ELAPOR2: variants seen among roughly 807,000 people sequenced by gnomAD.
The protein encoded by ELAPOR2 is endosome-lysosome associated apoptosis and autophagy regulator family member 2.
Under a neutral mutation model 120.7 loss-of-function variants are expected in ELAPOR2, and 89 were observed. That is an observed-to-expected ratio of 0.74 (90% CI 0.62 to 0.88). The LOEUF is 0.88. ELAPOR2 is among the 40% of genes least tolerant of loss of function. ELAPOR2 has a pLI of 0.00. For synonymous variants in ELAPOR2, 444 were observed against 444.9 expected, an observed-to-expected ratio of 1.00 and a Z score of 0.03; for missense variants, 1,134 against 1,251.6, an observed-to-expected ratio of 0.91 and a Z score of 1.42.
chr7:86,955,722 T>C (rs1422430760), intron 2 of ELAPOR2, among the ~76,000 whole-genome samples: 1 of 152,108 alleles, frequency 6.6e-6, no homozygotes, highest in African/African-American at 2.4e-5. Flanking sequence ...TTTGAGATTA[T>C]CTGATCCAAA....
intron 1 of ELAPOR2, among the ~76,000 whole-genome samples, chr7:86,986,721 T>C (rs1240977556): frequency 6.6e-6 from 1 of 151,696 alleles, no homozygotes; most frequent in East Asian, 1.9e-4. Context: ...GAAAGAACAT[T>C]CCATGCTCAT....
chr7:87,018,851 T>TGGAGA (rs1793950535), intron 1 of ELAPOR2, among the ~76,000 whole-genome samples: 1 of 152,216 alleles, frequency 6.6e-6, no homozygotes, highest in Non-Finnish European at 1.5e-5. Context: ...AGTTTTTTTA[T>TGGAGA]AAGTCACTGG....
At chr7:87,029,870 A>G (rs536399925) in intron 1 of ELAPOR2, among the ~76,000 whole-genome samples, 1 of 152,296 alleles carries the variant, frequency 6.6e-6, no homozygotes, top group African/African-American at 2.4e-5. Context: ...GGACATAACA[A>G]TGAGTGACAC....
intron 4 of ELAPOR2, among the ~76,000 whole-genome samples, chr7:86,942,404 G>A (rs1208593872): frequency 6.6e-6 from 1 of 151,978 alleles, no homozygotes; most frequent in African/African-American, 2.4e-5. Context: ...ACAATGCACA[G>A]AAAGGAGACA....
intron 1 of ELAPOR2, among the ~76,000 whole-genome samples, chr7:87,055,126 C>T (rs1377377284): frequency 1.3e-5 from 2 of 152,190 alleles, no homozygotes; most frequent in African/African-American, 4.8e-5. Context: ...CACCAGCCCA[C>T]ACCATGCCCC....
rs1005325603 is a variant in ELAPOR2 at position 87,022,349 on chromosome 7, C to T, written c.189+36976G>A. ...GTGGTGTTTGGTTTTATTGTCCTTGCGATAGTTTGCTGAGAATGATGGTTT... is the reference window on the plus strand; with the variant it reads ...GTGGTGTTTGGTTTTATTGTCCTTGTGATAGTTTGCTGAGAATGATGGTTT... On this transcript the variant is annotated intron_variant, in intron 1 of 21. Coordinates refer to ENST00000450689, the MANE Select transcript of ELAPOR2 (RefSeq NM_001142749.3). 3.3e-5 allele frequency among the ~76,000 whole-genome samples: 5 copies of T among 150,618 alleles called. No homozygotes were observed. In the South Asian group the frequency reaches 8.4e-4, roughly 25 times the overall value.
chr7:86,951,527 C>A (rs1791245049), intron 2 of ELAPOR2, among the ~76,000 whole-genome samples: 1 of 152,110 alleles, frequency 6.6e-6, no homozygotes, highest in Admixed American at 6.5e-5. Flanking sequence ...TCCATGAAGT[C>A]AGAAGGAAAA....
At chr7:86,993,995 T>G (rs1270799499) in intron 1 of ELAPOR2, among the ~76,000 whole-genome samples, 1 of 152,228 alleles carries the variant, frequency 6.6e-6, no homozygotes, top group Non-Finnish European at 1.5e-5. Flanking sequence ...TTGAGCCTTT[T>G]AACCTATGCC....
At chr7:87,051,790 C>T (rs550706805) in intron 1 of ELAPOR2, among the ~76,000 whole-genome samples, 238 of 152,334 alleles carry the variant, frequency 1.6e-3, no homozygotes, top group Middle Eastern at 3.4e-3. Flanking sequence ...AGAAGGCTAA[C>T]CATACTCTCT....
At chr7:86,994,823 G>A (rs1204985188) in intron 1 of ELAPOR2, among the ~76,000 whole-genome samples, 5 of 152,048 alleles carry the variant, frequency 3.3e-5, no homozygotes, top group Admixed American at 6.6e-5. Context: ...CCAAGTAGAA[G>A]AGACAGGGCT....
chr7:87,027,140 T>C (rs1359304342), intron 1 of ELAPOR2, among the ~76,000 whole-genome samples: 1 of 152,128 alleles, frequency 6.6e-6, no homozygotes, highest in Non-Finnish European at 1.5e-5. Flanking sequence ...ATATATTTAA[T>C]GTAAGGTTTT....
At chr7:86,916,896 A>C (rs1037973298) in intron 12 of ELAPOR2, among the ~76,000 whole-genome samples, 3 of 151,724 alleles carry the variant, frequency 2.0e-5, no homozygotes, top group African/African-American at 7.3e-5. Flanking sequence ...GCTAGGATTA[A>C]AGCTCCCAAG....
chr7:87,047,090 G>A (rs1050910853), intron 1 of ELAPOR2, among the ~76,000 whole-genome samples: 1 of 152,136 alleles, frequency 6.6e-6, no homozygotes, highest in African/African-American at 2.4e-5. Context: ...ACTGGGGAAA[G>A]GACAGTCTCT....
At chr7:87,023,920 C>A (rs906707226) in intron 1 of ELAPOR2, among the ~76,000 whole-genome samples, 1 of 152,094 alleles carries the variant, frequency 6.6e-6, no homozygotes, top group Non-Finnish European at 1.5e-5. Flanking sequence ...GATTTTGTAT[C>A]CTGAGACTTT....
At position 86,883,023 on chromosome 7, in the gene ELAPOR2, G is replaced by GGTGTGTGTGT. The variant is rs55859925; in HGVS notation, c.3031-2503_3031-2494dup. Among the ~76,000 whole-genome samples, 77 of 141,550 alleles carry GGTGTGTGTGT rather than the reference G, an allele frequency of 5.4e-4. 1 individual carries two copies. The highest frequency in any genetic ancestry group is 1.8e-3 in the African/African-American group (68 of 38,210). The allele number at this position is 141,550 out of a possible 152,430, so 92.9% of individuals were successfully genotyped here. ...ACATACTGGATGATCGTTTGAAAGG[G>GGTGTGTGTGT]GTGTGTGTGTGTGTGTGTGTGTGTG... is the stretch of plus-strand genomic sequence containing the variant. On this transcript the variant is annotated intron_variant, in intron 21 of 21. Transcript: ENST00000450689.
In ELAPOR2 at chr7:86,947,789, G is replaced by A; in HGVS notation, c.444C>T (p.Asn148=). Residue 148 remains asparagine (N), a synonymous_variant, in exon 3 of 22, where the codon AAC becomes AAT. Coordinates refer to ENST00000450689, the MANE Select transcript of ELAPOR2 (RefSeq NM_001142749.3). ...CCACAGTGTCCATGAATGTTGCGAT[G>A]TTAGAAAATCCTGCCGGCAATTCAT... is the stretch of plus-strand genomic sequence containing the variant. The part of the protein sequence containing the change: ...EWDELPAGFS[N]IATFMDTVVG... 6.4e-7 allele frequency: 1 copy of A among 1,551,812 alleles called. No homozygotes were observed. Among genetic ancestry groups the A allele is most frequent in the Non-Finnish European group, 8.7e-7 (1 of 1,147,016 alleles).
At chr7:86,951,919 C>G (rs973493557) in intron 2 of ELAPOR2, among the ~76,000 whole-genome samples, 10 of 152,150 alleles carry the variant, frequency 6.6e-5, no homozygotes, top group Non-Finnish European at 1.2e-4. Context: ...ATAGCACAGC[C>G]CTCTTGTACT....
Position 86,907,626 on chromosome 7 carries a change from T to C in ELAPOR2, c.2558+44A>G, listed in dbSNP as rs201283271. ...TAAAATAGTAACATTCTGGAGAGTTTTTCTTCCTCATGGTAAACACAAATC... is the reference window on the plus strand; with the variant it reads ...TAAAATAGTAACATTCTGGAGAGTTCTTCTTCCTCATGGTAAACACAAATC... On this transcript the variant is annotated intron_variant, in intron 18 of 21. Transcript: ENST00000450689. 16 of 1,242,642 alleles carry C rather than the reference T, an allele frequency of 1.3e-5. No individual in the cohort carries two copies. The Admixed American group carries it at 3.8e-4, about 30-fold the overall frequency. 77.0% of individuals were successfully genotyped at this position (1,242,642 alleles called of 1,614,324 possible).
At chr7:86,964,865 T>C in intron 2 of ELAPOR2, 39 bp downstream of exon 2, 2 of 1,549,816 alleles carry the variant, frequency 1.3e-6, no homozygotes, top group Non-Finnish European at 1.7e-6. Flanking sequence ...AGGTAATTGT[T>C]TAATCAAGAA....
Sources: allele counts gnomAD v4.1 joint callset (sites outside exome capture counted in the v4.1 genomes callset), GRCh38; gene constraint gnomAD v4.1.1; transcripts MANE v1.5; gene names NCBI Gene and HGNC (gene_info 2026-07-23, HGNC 2026-07-21).